SLC7A10: variants seen among roughly 807,000 people sequenced by gnomAD.
SLC7A10 encodes the protein solute carrier family 7 member 10.
A neutral mutation model predicts 52.7 loss-of-function variants in SLC7A10; 30 were observed. The observed-to-expected ratio is 0.57, with a 90% CI of 0.43 to 0.77. The LOEUF (loss-of-function observed/expected upper bound fraction) is 0.77, where lower values mean the gene tolerates loss of function less well. Ranked by LOEUF, SLC7A10 falls within the 30% of genes least tolerant of loss-of-function variation. The pLI is 0.00. For missense variants in SLC7A10, 581 were observed against 698.5 expected, an observed-to-expected ratio of 0.83 and a Z score of 1.90; for synonymous variants, 318 against 314.9, an observed-to-expected ratio of 1.01 and a Z score of -0.10.
At chr19:33,219,732 C>T (rs12609763) in intron 1 of SLC7A10, among the ~76,000 whole-genome samples, 95,995 of 152,142 alleles carry the variant, frequency 0.63, 31,530 homozygotes, top group Non-Finnish European at 0.71. Flanking sequence ...CTCACTGTGG[C>T]AGGCCTCTGC....
rs143036658 is a variant in SLC7A10 at position 33,212,572 on chromosome 19, G to T, written c.576C>A (p.Gly192=). 3 of 1,614,004 alleles carry T rather than the reference G, an allele frequency of 1.9e-6. No individual in the cohort carries two copies. The highest frequency in any genetic ancestry group is 2.5e-6 in the Non-Finnish European group (3 of 1,180,044). Reference sequence around the variant, plus strand: ...TGAGGGACAAGGCCAGCAGCTTCCCGCCTGTGAACATGTCCTGGATGCGCG... The same window carrying T: ...TGAGGGACAAGGCCAGCAGCTTCCCTCCTGTGAACATGTCCTGGATGCGCG... ...WATRIQDMFT[G]GKLLALSLII... The change falls in exon 4 of 11, where the codon GGC becomes GGA. Residue 192 remains glycine (G), a synonymous_variant. Transcript: ENST00000253188.
At chr19:33,215,733 A>C (rs780802315) in intron 2 of SLC7A10, 36 bp downstream of exon 2, 2 of 1,543,564 alleles carry the variant, frequency 1.3e-6, no homozygotes, top group African/African-American at 1.4e-5. Flanking sequence ...CATTCCCAAG[A>C]GGGTGTCCCC....
At chr19:33,218,234 C>G (rs1335175863) in intron 1 of SLC7A10, among the ~76,000 whole-genome samples, 1 of 152,128 alleles carries the variant, frequency 6.6e-6, no homozygotes, top group Non-Finnish European at 1.5e-5. Context: ...CATCTGGCAC[C>G]CTATCTTCCA....
chr19:33,213,567 C>T (rs564090752), intron 2 of SLC7A10, among the ~76,000 whole-genome samples: 2 of 152,302 alleles, frequency 1.3e-5, no homozygotes, highest in East Asian at 3.9e-4. Context: ...GGATTACAGG[C>T]GTGAGCCACT....
At position 33,215,958 on chromosome 19, in the gene SLC7A10, G is replaced by A. The variant is rs370231027; in HGVS notation, c.167C>T (p.Ser56Leu). Residue 56 changes from serine (S) to leucine (L), a missense_variant, in exon 2 of 11, where the codon TCG (serine) becomes TTG (leucine). Physicochemically the swap from Ser to Leu is moderately radical, Grantham distance 145. Coordinates refer to ENST00000253188, the MANE Select transcript of SLC7A10 (RefSeq NM_019849.3). ...CCCCTTGGGCGAGATGAAGATGCCC[G>A]AGCCGATGATGTTCCCTGCAGGGGG... ...CTIIIGNIIG[S>L]GIFISPKGVL... 109 of 1,587,640 alleles carry A rather than the reference G, an allele frequency of 6.9e-5. No homozygotes were observed. The highest frequency in any genetic ancestry group is 9.0e-5 in the Non-Finnish European group (104 of 1,160,922).
chr19:33,211,669 G>A, intron 5 of SLC7A10, 132 bp from the exon 6 acceptor site: 5 of 1,529,336 alleles, frequency 3.3e-6, no homozygotes, highest in Non-Finnish European at 4.4e-6. Flanking sequence ...AAAGGGGGCA[G>A]CATTGCTGCC....
rs552108066 is a variant in SLC7A10 at position 33,210,298 on chromosome 19, A to C, written c.1263+169T>G. Among the ~76,000 whole-genome samples, 76 of 152,076 alleles carry C rather than the reference A, an allele frequency of 5.0e-4. 1 individual carries two copies. Among genetic ancestry groups the C allele is most frequent in the Non-Finnish European group, 9.1e-4 (62 of 67,994 alleles). ...TGGGAGCATTCAAAGCTCTGTCCTC[A>C]TGGGGCTGCTATGAGGAATGGCTGC... On this transcript the variant is annotated intron_variant, in intron 9 of 10. Coordinates refer to ENST00000253188, the MANE Select transcript of SLC7A10 (RefSeq NM_019849.3). This position sits in a 1 kb window ranked among gnomAD's most constrained non-coding sequence, Gnocchi z 5.6.
At chr19:33,217,933 G>C (rs987697908) in intron 1 of SLC7A10, 1 of 152,098 alleles carries the variant, frequency 6.6e-6, no homozygotes, top group South Asian at 2.1e-4. Flanking sequence ...GGGAGAGAGA[G>C]AAGCGCCTCT....
At chr19:33,211,999 G>A (rs146804806) in intron 5 of SLC7A10, 659 of 540,606 alleles carry the variant, frequency 1.2e-3, no homozygotes, top group Non-Finnish European at 1.7e-3. Context: ...GTGTGTATAT[G>A]CATAATTTTA....
intron 1 of SLC7A10, among the ~76,000 whole-genome samples, chr19:33,217,613 C>T (rs1974717185): frequency 6.6e-6 from 1 of 152,230 alleles, no homozygotes. Flanking sequence ...GCAATGGCCA[C>T]ACCAGACCGG....
Position 33,211,317 on chromosome 19 carries a change from C to T in SLC7A10, c.924G>A (p.Glu308=). 6.2e-7 allele frequency: 1 copy of T among 1,614,106 alleles called. No homozygotes were observed. Among genetic ancestry groups the T allele is most frequent in the Non-Finnish European group, 8.5e-7 (1 of 1,180,032 alleles). ...CCCAAGAAAAGTAGCCCAGCAGCTT[C>T]TCCCCGAAGGTCTGGGTGGGCACAG... ...SSNAVAVTFG[E]KLLGYFSWVM... is the part of the protein sequence containing the mutation. The change falls in exon 7 of 11, where the codon GAG becomes GAA. Residue 308 remains glutamate (E), a synonymous_variant. Transcript: ENST00000253188.
chr19:33,209,422 T>G lies in SLC7A10; in HGVS notation c.1327A>C (p.Ile443Leu), dbSNP rs765397713. The change falls in exon 10 of 11, where the codon ATC becomes CTC. Residue 443 changes from isoleucine (I) to leucine (L), a missense_variant. Coordinates refer to ENST00000253188, the MANE Select transcript of SLC7A10 (RefSeq NM_019849.3). The stretch of plus-strand genomic sequence containing the variant: ...ACCCCACAGACCATAGGCTCTGAGA[T>G]GAAGCTGAAGACCAGCAGGAAGGCC... The part of the protein sequence containing the change: ...FWAFLLVFSF[I>L]SEPMVCGVGV... The G allele has an allele frequency of 1.9e-6, 3 of 1,613,596 alleles. No individual in the cohort carries two copies. In the African/African-American group the frequency reaches 4.0e-5, roughly 22 times the overall value.
intron 1 of SLC7A10, among the ~76,000 whole-genome samples, chr19:33,221,321 G>A (rs116160004): frequency 0.01 from 1,590 of 152,252 alleles, 14 homozygotes; most frequent in African/African-American, 0.027. Flanking sequence ...CACACCAGAA[G>A]ATGGATTTTG....
chr19:33,217,568 C>A (rs890661088), intron 1 of SLC7A10, among the ~76,000 whole-genome samples: 1 of 130,730 alleles, frequency 7.6e-6, no homozygotes, highest in African/African-American at 4.7e-5. Flanking sequence ...CTGGTAGAAC[C>A]TGTAGGTCCT....
intron 1 of SLC7A10, among the ~76,000 whole-genome samples, chr19:33,217,011 A>G (rs1599953919): frequency 6.7e-6 from 1 of 148,512 alleles, no homozygotes; most frequent in African/African-American, 2.5e-5. Context: ...AGTAGCTGGG[A>G]CTCCAGGTGT....
In SLC7A10 at chr19:33,208,834, ACCT is replaced by A. The variant is rs1179053420; in HGVS notation, c.*54_*56del. 7 of 1,599,514 alleles carry A rather than the reference ACCT, an allele frequency of 4.4e-6. No individual in the cohort carries two copies. Among genetic ancestry groups the A allele is most frequent in the Admixed American group, 3.4e-5 (2 of 59,234 alleles). On this transcript the variant is annotated 3_prime_UTR_variant, in exon 11 of 11. Transcript: ENST00000253188. This position sits in a 1 kb window ranked among gnomAD's most constrained non-coding sequence, Gnocchi z 4.7. ...CAAAACAAAACTTTTTTGCCAAAAC[ACCT>A]CCTCAATAAACAACATGTAAACAGA...
chr19:33,222,526 A>G (rs1407486772), intron 1 of SLC7A10, among the ~76,000 whole-genome samples: 1 of 152,030 alleles, frequency 6.6e-6, no homozygotes, highest in African/African-American at 2.4e-5. Context: ...CAGAGCCCAA[A>G]TCTGGTTCCA....
chr19:33,218,670 T>TTCC (rs1974743242), intron 1 of SLC7A10, among the ~76,000 whole-genome samples: 1 of 53,468 alleles, frequency 1.9e-5, no homozygotes, highest in Non-Finnish European at 4.2e-5. Flanking sequence ...GATTTCTTTC[T>TTCC]TTCTTTCTTT....
chr19:33,208,733 C>A lies in SLC7A10; in HGVS notation c.*158G>T. The A allele has an allele frequency of 1.1e-6, 1 of 914,492 alleles. No homozygotes were observed. Among genetic ancestry groups the A allele is most frequent in the Non-Finnish European group, 1.6e-6 (1 of 606,228 alleles). The allele number at this position is 914,492 out of a possible 1,614,324, so 56.6% of individuals were successfully genotyped here. On this transcript the variant is annotated 3_prime_UTR_variant, in exon 11 of 11. Transcript: ENST00000253188. The surrounding 1 kb of genome is among the most constrained non-coding windows in gnomAD (Gnocchi z 4.7). ...AGCAGGGCAGTGCTAAGACAGGAAA[C>A]CCAGTCCACATTTTAGGGCTTCCTT...
Sources: gnomAD v4.1 joint callset for allele counts (sites outside exome capture counted in the v4.1 genomes callset) on GRCh38, gnomAD v4.1.1 for gene constraint, Gnocchi (gnomAD v3.1) non-coding constraint, MANE v1.5 for transcripts, NCBI Gene and HGNC (gene_info 2026-07-23, HGNC 2026-07-21) for gene names.